Variants in PROS1 observed in about 807,000 individuals in gnomAD.
The protein encoded by PROS1 is protein S.
In PROS1, 29 loss-of-function variants were observed where a neutral mutation model predicts 75.9. The observed-to-expected ratio is 0.38, with a 90% CI of 0.28 to 0.52. The LOEUF (loss-of-function observed/expected upper bound fraction) is 0.52. Among genes scored for constraint, PROS1 ranks in the 20% least tolerant of loss-of-function variants. The probability of loss-of-function intolerance (pLI) is 0.83; values close to 1 mark genes in which losing one functional copy is unlikely to be tolerated. For synonymous variants in PROS1, 245 were observed against 280.6 expected (o/e 0.87, Z 1.27); for missense variants, 680 against 810.3 (o/e 0.84, Z 1.95).
intron 7 of PROS1, among the ~76,000 whole-genome samples, chr3:93,900,326 T>C (rs1708572350): frequency 1.3e-5 from 2 of 152,204 alleles, no homozygotes; most frequent in Admixed American, 6.5e-5. Context: ...TAGAACTGTG[T>C]CATTTTTTAT....
At chr3:93,952,426 A>C (rs1709516800) in intron 1 of PROS1, among the ~76,000 whole-genome samples, 1 of 152,072 alleles carries the variant, frequency 6.6e-6, no homozygotes. Context: ...TAAGAAACTC[A>C]CTCAAAACCA....
At chr3:93,893,178 C>G in intron 9 of PROS1, 56 bp from the exon 10 acceptor site, 1 of 1,458,446 alleles carries the variant, frequency 6.9e-7, no homozygotes, top group Middle Eastern at 2.0e-4. Context: ...AAGCTCAATG[C>G]ATTATTCTTT....
intron 3 of PROS1, among the ~76,000 whole-genome samples, chr3:93,922,654 T>C (rs1708959428): frequency 6.6e-6 from 1 of 152,184 alleles, no homozygotes; most frequent in Non-Finnish European, 1.5e-5. Flanking sequence ...TTGTAGTTAG[T>C]AAAACTACTG....
rs146366248 is a variant in PROS1, at chr3:93,906,059, G to T, written c.431C>A (p.Thr144Asn). ...CKDGKASFTC[T>N]CKPGWQGEKC... ...TTCTCCTTGCCAACCTGGTTTACAAGTGCAAGTAAAAGAAGCTTTTCCATC... is the reference window on the plus strand; with the variant it reads ...TTCTCCTTGCCAACCTGGTTTACAATTGCAAGTAAAAGAAGCTTTTCCATC... Residue 144 changes from threonine to asparagine, a missense_variant, in exon 5 of 15, where the codon ACT becomes AAT. Thr to Asn is a moderately conservative substitution (Grantham distance 65). Coordinates refer to ENST00000394236, the MANE Select transcript of PROS1 (RefSeq NM_000313.4). 6.3e-4 allele frequency: 1,018 copies of T among 1,614,106 alleles called. 4 individuals carry two copies. The highest frequency in any genetic ancestry group is 3.3e-3 in the Middle Eastern group (20 of 6,062).
chr3:93,961,352 C>A (rs537183230), intron 1 of PROS1, among the ~76,000 whole-genome samples: 1 of 152,192 alleles, frequency 6.6e-6, no homozygotes, highest in Non-Finnish European at 1.5e-5. Context: ...CAAAAAGCAG[C>A]AGCTGATGCT....
chr3:93,959,844 C>T (rs941825883), intron 1 of PROS1, among the ~76,000 whole-genome samples: 4 of 152,176 alleles, frequency 2.6e-5, no homozygotes, highest in Non-Finnish European at 4.4e-5. Context: ...ATTTCAATAT[C>T]AGCTGTTACC....
chr3:93,901,048 GC>G (rs1183045612), intron 6 of PROS1, 119 bp from the exon 7 acceptor site: 1 of 1,094,544 alleles, frequency 9.1e-7, no homozygotes, highest in Non-Finnish European at 1.3e-6. Flanking sequence ...TAACAGATTG[GC>G]CTTTGGACCA....
chr3:93,917,644 T>G (rs1438758962), intron 3 of PROS1, among the ~76,000 whole-genome samples: 1 of 152,034 alleles, frequency 6.6e-6, no homozygotes, highest in Non-Finnish European at 1.5e-5. Flanking sequence ...CAGCTGGAGT[T>G]CCTGGTGGGC....
At chr3:93,929,858 C>T (rs1270053480) in intron 1 of PROS1, among the ~76,000 whole-genome samples, 3 of 152,052 alleles carry the variant, frequency 2.0e-5, no homozygotes, top group Admixed American at 2.0e-4. Flanking sequence ...TGATCTTAAC[C>T]ACAAATGGTT....
intron 2 of PROS1, among the ~76,000 whole-genome samples, chr3:93,927,014 A>C (rs192202931): frequency 9.4e-4 from 143 of 152,346 alleles, no homozygotes; most frequent in African/African-American, 3.3e-3. Context: ...GCTGATAATG[A>C]GGTGTAACTG....
chr3:93,915,924 T>C (rs946834880), intron 3 of PROS1, among the ~76,000 whole-genome samples: 10 of 152,192 alleles, frequency 6.6e-5, no homozygotes, highest in African/African-American at 2.2e-4. Flanking sequence ...GTATTTGTTA[T>C]AGCAGCAACC....
intron 1 of PROS1, among the ~76,000 whole-genome samples, chr3:93,950,178 A>C (rs1172491293): frequency 6.6e-6 from 1 of 152,166 alleles, no homozygotes; most frequent in African/African-American, 2.4e-5. Flanking sequence ...TAAACAAAGC[A>C]GCCAGGAAGC....
At position 93,944,168 on chromosome 3, in the gene PROS1, GAAGA is replaced by G. The variant is rs367710626; in HGVS notation, c.77-16765_77-16762del. ...AACTAACTGATAACTCTCCCATTTAGAAGAAAGACTAACACGAAACCAGATAAAT... is the reference window on the plus strand; with the variant it reads ...AACTAACTGATAACTCTCCCATTTAGAAGACTAACACGAAACCAGATAAAT... On this transcript the variant is annotated intron_variant, in intron 1 of 14. Transcript: ENST00000394236. 7.0e-3 allele frequency among the ~76,000 whole-genome samples: 1,059 copies of G among 152,212 alleles called. 9 individuals carry two copies. Among genetic ancestry groups the G allele is most frequent in the African/African-American group, 0.024 (994 of 41,528 alleles).
At chr3:93,956,496 GTCTC>G (rs1164990087) in intron 1 of PROS1, among the ~76,000 whole-genome samples, 5 of 106,728 alleles carry the variant, frequency 4.7e-5, no homozygotes, top group African/African-American at 1.1e-4. Flanking sequence ...TTCTCTCTCT[GTCTC>G]TCTCTCTCTC....
chr3:93,880,046 G>C (rs1482487897), intron 12 of PROS1, among the ~76,000 whole-genome samples: 9 of 152,190 alleles, frequency 5.9e-5, no homozygotes, highest in Non-Finnish European at 8.8e-5. Flanking sequence ...TCTGAATGAA[G>C]TCTTCCTCAT....
chr3:93,875,484 T>C (rs1245166873), intron 14 of PROS1, among the ~76,000 whole-genome samples: 1 of 152,178 alleles, frequency 6.6e-6, no homozygotes, highest in Non-Finnish European at 1.5e-5. Context: ...TTCTACTTCT[T>C]TTAAACTCTT....
intron 3 of PROS1, among the ~76,000 whole-genome samples, chr3:93,912,402 T>A (rs1219410317): frequency 4.6e-5 from 7 of 152,162 alleles, no homozygotes; most frequent in African/African-American, 7.2e-5. Flanking sequence ...CCATTTGCCA[T>A]ATAAGGTAAC....
chr3:93,894,318 G>A (rs1379821542), intron 9 of PROS1, among the ~76,000 whole-genome samples: 1 of 152,138 alleles, frequency 6.6e-6, no homozygotes, highest in Admixed American at 6.5e-5. Context: ...AAAATGTGGA[G>A]TAAAGTATGT....
chr3:93,971,627 C>CCCCACACACA (rs1709882552), intron 1 of PROS1, among the ~76,000 whole-genome samples: 1 of 124,374 alleles, frequency 8.0e-6, no homozygotes, highest in Non-Finnish European at 1.6e-5. Flanking sequence ...AAAATAAAAA[C>CCCCACACACA]CACACACACA....
Sources: allele counts gnomAD v4.1 joint callset (sites outside exome capture counted in the v4.1 genomes callset), GRCh38; gene constraint gnomAD v4.1.1; transcripts MANE v1.5; gene names NCBI Gene and HGNC (gene_info 2026-07-23, HGNC 2026-07-21).